Variants in ZNF423 observed in about 807,000 individuals in gnomAD.
ZNF423 encodes the protein zinc finger protein 423.
ZNF423 carries 12 observed loss-of-function variants against 95.8 expected under a neutral mutation model. The observed-to-expected ratio is 0.13, with a 90% CI of 0.08 to 0.20. The LOEUF (loss-of-function observed/expected upper bound fraction) is 0.20, where lower values mean the gene tolerates loss of function less well. ZNF423 is among the 10% of genes least tolerant of loss of function. The probability of loss-of-function intolerance (pLI) is 1.00; values close to 1 mark genes in which losing one functional copy is unlikely to be tolerated. For missense variants in ZNF423, 1,316 were observed against 1,737.1 expected (o/e 0.76, Z 4.31); for synonymous variants, 749 against 711.9 (o/e 1.05, Z -0.83).
chr16:49,825,951 C>A (rs955320923), intron 1 of ZNF423, among the ~76,000 whole-genome samples: 1 of 152,206 alleles, frequency 6.6e-6, no homozygotes, highest in African/African-American at 2.4e-5. Flanking sequence ...TGGCTCACGC[C>A]TATAATCCCA....
At chr16:49,567,106 G>A (rs1182842741) in intron 5 of ZNF423, among the ~76,000 whole-genome samples, 2 of 152,156 alleles carry the variant, frequency 1.3e-5, no homozygotes, top group African/African-American at 4.8e-5. Context: ...TTCCTGTGTG[G>A]ACAAATAAGG....
chr16:49,605,040 A>G (rs998238594), intron 5 of ZNF423, among the ~76,000 whole-genome samples: 2 of 152,284 alleles, frequency 1.3e-5, no homozygotes, highest in Non-Finnish European at 1.5e-5. Context: ...CCATGCCCAT[A>G]ACAGCCCACT....
At position 49,487,938 on chromosome 16, in the gene ZNF423, G is replaced by C. The variant is rs768653252; in HGVS notation, c.*3337C>G. The C allele has an allele frequency of 6.6e-6, 1 of 152,246 alleles. No individual in the cohort carries two copies. The highest frequency in any genetic ancestry group is 1.5e-5 in the Non-Finnish European group (1 of 68,060). 9.4% of individuals were successfully genotyped at this position (152,246 alleles called of 1,614,324 possible). ...TGGCAGCTTCTGGCTTTGCCATCAC[G>C]GCACTCATGACCAGGTGTGGCTATG... On this transcript the variant is annotated 3_prime_UTR_variant, in exon 8 of 8. Transcript: ENST00000563137.
intron 3 of ZNF423, among the ~76,000 whole-genome samples, chr16:49,716,051 GAGTGGATTCATCCCCAGGGC>G (rs2032697269): frequency 6.6e-6 from 1 of 152,030 alleles, no homozygotes; most frequent in Non-Finnish European, 1.5e-5. Flanking sequence ...CCAGGCAGGG[GAGTGGATTCATCCCCAGGGC>G]AGTGGGGGAG....
At position 49,512,033 on chromosome 16, in the gene ZNF423, A is replaced by C. The variant is rs78748714; in HGVS notation, c.3849+11591T>G. 8.1e-3 allele frequency among the ~76,000 whole-genome samples: 1,232 copies of C among 152,326 alleles called. 10 individuals are homozygous for C. Among genetic ancestry groups the C allele is most frequent in the East Asian group, 0.039 (201 of 5,176 alleles). Reference sequence around the variant, plus strand: ...ATGGTATGATGCAGCACTATACTATACTATACTATATACTATACCATATTA... The same window carrying C: ...ATGGTATGATGCAGCACTATACTATCCTATACTATATACTATACCATATTA... On this transcript the variant is annotated intron_variant, in intron 7 of 7. Coordinates refer to ENST00000563137, the MANE Select transcript of ZNF423 (RefSeq NM_001379286.1).
intron 5 of ZNF423, among the ~76,000 whole-genome samples, chr16:49,573,812 C>T (rs1385537088): frequency 6.6e-6 from 1 of 152,194 alleles, no homozygotes; most frequent in African/African-American, 2.4e-5. Flanking sequence ...ATTACCAATT[C>T]CAGTTTTGCT....
chr16:49,607,439 G>A (rs948799424), intron 5 of ZNF423, among the ~76,000 whole-genome samples: 22 of 152,176 alleles, frequency 1.4e-4, no homozygotes, highest in African/African-American at 5.3e-4. Flanking sequence ...GTATGTTGAT[G>A]TTTGATGGGA....
rs2151639451 is a variant in ZNF423 at position 49,490,772 on chromosome 16, T to TA, written c.*502dup. On this transcript the variant is annotated 3_prime_UTR_variant, in exon 8 of 8. Transcript: ENST00000563137. ...TCCAATCAAAGCATTAGTCTTTAAT[T>TA]AAAAAATTAAAAGGAAATATTCAGA... The TA allele has an allele frequency of 6.6e-6, 1 of 152,042 alleles. No homozygotes were observed. The highest frequency in any genetic ancestry group is 1.4e-5 in the Non-Finnish European group (1 of 70,634). The allele number at this position is 152,042 out of a possible 1,614,324, so 9.4% of individuals were successfully genotyped here.
chr16:49,856,979 C>T (rs1210651725), upstream of ZNF423, among the ~76,000 whole-genome samples: 2 of 147,440 alleles, frequency 1.4e-5, no homozygotes, highest in South Asian at 2.1e-4. Flanking sequence ...GGCTGCGCCC[C>T]GGCTCCTCCG....
intron 6 of ZNF423, 133 bp from the exon 7 acceptor site, chr16:49,523,872 G>A: frequency 1.4e-6 from 1 of 701,186 alleles, no homozygotes; most frequent in Non-Finnish European, 2.5e-6. Flanking sequence ...GGGCTACTGG[G>A]AGTGTTCTTA....
At chr16:49,500,387 C>T (rs1367437360) in intron 7 of ZNF423, among the ~76,000 whole-genome samples, 4 of 152,180 alleles carry the variant, frequency 2.6e-5, no homozygotes, top group Non-Finnish European at 4.4e-5. Flanking sequence ...ATCTTGTCAA[C>T]CTGTGGCCAC....
intron 7 of ZNF423, among the ~76,000 whole-genome samples, chr16:49,500,734 C>T (rs1049425536): frequency 1.3e-5 from 2 of 150,806 alleles, no homozygotes; most frequent in African/African-American, 4.9e-5. Flanking sequence ...GGGTGAAACC[C>T]CATCTCTACG....
chr16:49,728,920 A>G (rs1759969315), intron 3 of ZNF423, among the ~76,000 whole-genome samples: 1 of 152,094 alleles, frequency 6.6e-6, no homozygotes, highest in Non-Finnish European at 1.5e-5. Flanking sequence ...TTTAGTAGAC[A>G]TGGGGTTTTA....
At position 49,840,552 on chromosome 16, in the gene ZNF423, C is replaced by T. The variant is rs551845747; in HGVS notation, c.40+15183G>A. On this transcript the variant is annotated intron_variant, in intron 1 of 7. Coordinates refer to ENST00000563137, the MANE Select transcript of ZNF423 (RefSeq NM_001379286.1). ...AAATTCATAAGCAAAGTCTACCACC[C>T]ACTAGTATGTTCTCTGTCCCTGTAC... Among the ~76,000 whole-genome samples the T allele has an allele frequency of 2.6e-5, 4 of 152,338 alleles. No individual in the cohort carries two copies. The East Asian group carries it at 7.7e-4, about 29-fold the overall frequency.
intron 5 of ZNF423, among the ~76,000 whole-genome samples, chr16:49,591,865 T>C (rs1166657439): frequency 6.6e-6 from 1 of 152,214 alleles, no homozygotes; most frequent in Non-Finnish European, 1.5e-5. Flanking sequence ...CCACTGTCTT[T>C]GCTGTTAGAA....
chr16:49,734,849 G>T (rs1443838343), intron 2 of ZNF423, among the ~76,000 whole-genome samples: 1 of 152,206 alleles, frequency 6.6e-6, no homozygotes, highest in Non-Finnish European at 1.5e-5. Context: ...CATTGATTAA[G>T]CACTCAATGC....
At chr16:49,677,138 A>T (rs1026385769) in intron 3 of ZNF423, among the ~76,000 whole-genome samples, 1 of 149,982 alleles carries the variant, frequency 6.7e-6, no homozygotes, top group African/African-American at 2.5e-5. Flanking sequence ...GAATCGCTGG[A>T]ACCCGGGAGG....
chr16:49,601,090 T>C (rs1318955177), intron 5 of ZNF423, among the ~76,000 whole-genome samples: 1 of 152,216 alleles, frequency 6.6e-6, no homozygotes, highest in Non-Finnish European at 1.5e-5. Context: ...TGTCTGAGAC[T>C]GGACAAGGCA....
intron 2 of ZNF423, among the ~76,000 whole-genome samples, chr16:49,782,841 A>G (rs532454241): frequency 6.6e-6 from 1 of 151,696 alleles, no homozygotes; most frequent in South Asian, 2.1e-4. Flanking sequence ...TACCCACTTC[A>G]CGCTAAGCAT....
Sources: allele counts gnomAD v4.1 joint callset (sites outside exome capture counted in the v4.1 genomes callset), GRCh38; gene constraint gnomAD v4.1.1; transcripts MANE v1.5; gene names NCBI Gene and HGNC (gene_info 2026-07-23, HGNC 2026-07-21).